Variants in SERPINB5 observed in about 807,000 individuals in gnomAD.
SERPINB5 encodes the protein serpin B5.
SERPINB5 carries 27 observed loss-of-function variants against 32.2 expected under a neutral mutation model. The ratio of observed to expected loss-of-function variants is 0.84; its 90% CI spans 0.62 to 1.16. SERPINB5 has a LOEUF of 1.16. Among genes scored for constraint, SERPINB5 ranks in the 50% most tolerant of loss-of-function variants. The pLI is 0.00. For missense variants in SERPINB5, 388 were observed against 436.3 expected, an observed-to-expected ratio of 0.89 and a Z score of 0.99; for synonymous variants, 154 against 157.4, an observed-to-expected ratio of 0.98 and a Z score of 0.16.
chr18:63,489,302 T>G, intron 3 of SERPINB5, 45 bp from the exon 4 acceptor site: 1 of 1,090,418 alleles, frequency 9.2e-7, no homozygotes, highest in Non-Finnish European at 1.4e-6. Context: ...AACAATGCAA[T>G]AGCTTGACTA....
intron 6 of SERPINB5, among the ~76,000 whole-genome samples, 177 bp from the exon 7 acceptor site, chr18:63,503,153 G>A (rs1353619939): frequency 6.6e-6 from 1 of 152,184 alleles, no homozygotes; most frequent in Non-Finnish European, 1.5e-5. Flanking sequence ...GGAGGACACA[G>A]CTGGGTGGCT....
chr18:63,490,230 G>A (rs142957170), intron 4 of SERPINB5, among the ~76,000 whole-genome samples: 5 of 152,072 alleles, frequency 3.3e-5, no homozygotes, highest in Non-Finnish European at 5.9e-5. Context: ...CGTAGTGTCA[G>A]CTTGTCCTCG....
chr18:63,479,868 C>A (rs947994008), intron 1 of SERPINB5, among the ~76,000 whole-genome samples: 6 of 152,080 alleles, frequency 3.9e-5, no homozygotes, highest in African/African-American at 1.4e-4. Flanking sequence ...AGTTTTGTGT[C>A]GATTGAACAA....
intron 5 of SERPINB5, among the ~76,000 whole-genome samples, chr18:63,495,183 C>T (rs529860704): frequency 1.3e-5 from 2 of 152,328 alleles, no homozygotes; most frequent in African/African-American, 4.8e-5. Context: ...CAGGATTGAC[C>T]CTGCACACAA....
intron 6 of SERPINB5, among the ~76,000 whole-genome samples, chr18:63,501,175 CA>C (rs1909564159): frequency 6.7e-6 from 1 of 149,718 alleles, no homozygotes; most frequent in Non-Finnish European, 1.5e-5. Context: ...GTATATCTCC[CA>C]ATGCTATCCC....
chr18:63,490,327 C>A (rs116297336), intron 4 of SERPINB5, among the ~76,000 whole-genome samples: 3 of 152,084 alleles, frequency 2.0e-5, no homozygotes, highest in African/African-American at 7.2e-5. Flanking sequence ...CAGTGCTTCC[C>A]CCAGGCGTCT....
intron 5 of SERPINB5, among the ~76,000 whole-genome samples, chr18:63,496,698 A>G (rs943493486): frequency 9.2e-5 from 14 of 152,196 alleles, no homozygotes; most frequent in African/African-American, 3.4e-4. Context: ...GAAGTTTGAA[A>G]TTTCTCCCCA....
At position 63,502,326 on chromosome 18, in the gene SERPINB5, G is replaced by A. The variant is rs976427683; in HGVS notation, c.736-1004G>A. ...AATTTTTTGTATTTTTAGTAGAGAC[G>A]GGCTTTCACTGTGTTAGCCAGGATG... On this transcript the variant is annotated intron_variant, in intron 6 of 6. Coordinates refer to ENST00000382771, the MANE Select transcript of SERPINB5 (RefSeq NM_002639.5). Among the ~76,000 whole-genome samples, 10 of 151,734 alleles carry A rather than the reference G, an allele frequency of 6.6e-5. No individual in the cohort carries two copies. The East Asian group carries it at 7.7e-4, about 12-fold the overall frequency.
chr18:63,484,420 A>G lies in SERPINB5; in HGVS notation c.-7-2A>G. The G allele has an allele frequency of 1.9e-6, 3 of 1,607,998 alleles. No homozygotes were observed. Among genetic ancestry groups the G allele is most frequent in the Non-Finnish European group, 2.5e-6 (3 of 1,177,688 alleles). On this transcript the variant is annotated splice_acceptor_variant, in intron 1 of 6. Transcript: ENST00000382771. LOFTEE classifies it low-confidence loss of function (5UTR_SPLICE). ...TAACTGCTCCCTTGTCCTTGCTTCC[A>G]GGCCCGCAATGGATGCCCTGCAACT...
At chr18:63,479,262 C>T (rs996192303) in intron 1 of SERPINB5, among the ~76,000 whole-genome samples, 1 of 152,090 alleles carries the variant, frequency 6.6e-6, no homozygotes, top group Admixed American at 6.5e-5. Context: ...TTGTCCCAGG[C>T]AAAGTGGGAT....
chr18:63,503,921 T>C lies in SERPINB5; in HGVS notation c.*199T>C. ...CCAATTCTATCTTTTGTTTCCTTTT[T>C]TCCCATAAGACAATGACATACGCTT... On this transcript the variant is annotated 3_prime_UTR_variant, in exon 7 of 7. Coordinates refer to ENST00000382771, the MANE Select transcript of SERPINB5 (RefSeq NM_002639.5). 1.7e-6 allele frequency: 1 copy of C among 577,522 alleles called. No individual in the cohort carries two copies. The highest frequency in any genetic ancestry group is 3.0e-6 in the Non-Finnish European group (1 of 332,420). 35.8% of individuals were successfully genotyped at this position (577,522 alleles called of 1,614,324 possible).
intron 3 of SERPINB5, 86 bp from the exon 4 acceptor site, chr18:63,489,258 TTGA>T (rs764652974): frequency 2.1e-5 from 15 of 725,868 alleles, no homozygotes; most frequent in Non-Finnish European, 2.8e-5. Context: ...CATATAGCAG[TTGA>T]TATTTAATAA....
intron 6 of SERPINB5, among the ~76,000 whole-genome samples, chr18:63,500,158 C>A (rs1258593502): frequency 1.3e-5 from 2 of 151,914 alleles, no homozygotes; most frequent in African/African-American, 4.8e-5. Context: ...ACCTCAAACT[C>A]CTGGGCTCAA....
At chr18:63,497,585 G>A (rs1312219944) in intron 5 of SERPINB5, among the ~76,000 whole-genome samples, 1 of 150,122 alleles carries the variant, frequency 6.7e-6, no homozygotes, top group African/African-American at 2.5e-5. Flanking sequence ...TAATTTTAAA[G>A]AACATTTTCC....
Position 63,503,749 on chromosome 18 carries a change from C to T in SERPINB5, c.*27C>T, listed in dbSNP as rs1173464695. 2 of 1,603,174 alleles carry T rather than the reference C, an allele frequency of 1.2e-6. No individual in the cohort carries two copies. Among genetic ancestry groups the T allele is most frequent in the East Asian group, 2.2e-5 (1 of 44,836 alleles). ...TGGCATAGCCCATGTTAAGTCCTCC[C>T]TGACTTTTCTGTGGATGCCGATTTC... On this transcript the variant is annotated 3_prime_UTR_variant, in exon 7 of 7. Transcript: ENST00000382771.
intron 3 of SERPINB5, 86 bp downstream of exon 3, chr18:63,487,169 T>C: frequency 4.6e-6 from 6 of 1,299,420 alleles, no homozygotes; most frequent in Non-Finnish European, 5.3e-6. Context: ...TTTTTTTCAG[T>C]GAAATTCCTT....
At chr18:63,493,275 C>A in intron 5 of SERPINB5, 180 bp downstream of exon 5, 2 of 719,438 alleles carry the variant, frequency 2.8e-6, no homozygotes, top group East Asian at 2.7e-5. Flanking sequence ...ATCCAGAGGC[C>A]CCCCCTCCTC....
At chr18:63,491,030 A>T (rs1909322123) in intron 4 of SERPINB5, among the ~76,000 whole-genome samples, 1 of 152,122 alleles carries the variant, frequency 6.6e-6, no homozygotes, top group Non-Finnish European at 1.5e-5. Flanking sequence ...ATGCCTTTGC[A>T]TCCTCATAGC....
At chr18:63,486,627 CA>C in intron 2 of SERPINB5, 1 of 224,750 alleles carries the variant, frequency 4.4e-6, no homozygotes, top group Non-Finnish European at 8.7e-6. Context: ...TCAGTGGGGA[CA>C]ATTTGTCCTC....
Sources: gnomAD v4.1 joint callset for allele counts (sites outside exome capture counted in the v4.1 genomes callset) on GRCh38, gnomAD v4.1.1 for gene constraint, MANE v1.5 for transcripts, NCBI Gene and HGNC (gene_info 2026-07-23, HGNC 2026-07-21) for gene names.